BRD2: variants seen among roughly 807,000 people sequenced by gnomAD.
BRD2 encodes bromodomain containing 2.
A neutral mutation model predicts 79.1 loss-of-function variants in BRD2; 15 were observed. The observed-to-expected ratio is 0.19, with a 90% CI of 0.13 to 0.29. The LOEUF (loss-of-function observed/expected upper bound fraction) is 0.29, where lower values mean the gene tolerates loss of function less well. Among genes scored for constraint, BRD2 ranks in the 10% least tolerant of loss-of-function variants. The pLI is 1.00. For synonymous variants in BRD2, 488 were observed against 358.6 expected, an observed-to-expected ratio of 1.36 and a Z score of -4.08; for missense variants, 1,053 against 991.3, an observed-to-expected ratio of 1.06 and a Z score of -0.84.
chr6:32,974,163 A>T (rs1329335560), intron 2 of BRD2, among the ~76,000 whole-genome samples: 1 of 152,186 alleles, frequency 6.6e-6, no homozygotes, highest in Non-Finnish European at 1.5e-5. Context: ...TAGTTCTGAG[A>T]TGTCGTGCCT....
At chr6:32,973,066 G>A in intron 2 of BRD2, 139 bp downstream of exon 2, 4 of 1,591,910 alleles carry the variant, frequency 2.5e-6, no homozygotes, top group Non-Finnish European at 2.6e-6. Flanking sequence ...CGCGCGGAGG[G>A]AATTGAGCGA....
Position 32,980,839 on chromosome 6 carries a change from C to T in BRD2, c.*121C>T, listed in dbSNP as rs577496683. 8.1e-7 allele frequency: 1 copy of T among 1,228,424 alleles called. No homozygotes were observed. Among genetic ancestry groups the T allele is most frequent in the Admixed American group, 2.1e-5 (1 of 46,914 alleles). The allele number at this position is 1,228,424 out of a possible 1,614,324, so 76.1% of individuals were successfully genotyped here. A position where few individuals can be genotyped will look rare whatever the true frequency, so the allele number is the denominator to read the frequency against. On this transcript the variant is annotated 3_prime_UTR_variant, in exon 13 of 13. Transcript: ENST00000374825. ...TCATCTCACCCCCCCCCGCCCCCCT[C>T]TAGGAGAGCTGGCTCTGCAGTGGGG...
Position 32,972,676 on chromosome 6 carries a change from T to G in BRD2, c.-223T>G. 1 of 636,054 alleles carries G rather than the reference T, an allele frequency of 1.6e-6. No homozygotes were observed. Among genetic ancestry groups the G allele is most frequent in the Non-Finnish European group, 2.7e-6 (1 of 368,360 alleles). 39.4% of individuals were successfully genotyped at this position (636,054 alleles called of 1,614,324 possible). ...CTCAGCTGAGGCCGCCGCCATTTTC[T>G]TGCTGTCCGCCGTCTGCAGAGCGCG... is the stretch of plus-strand genomic sequence containing the variant. On this transcript the variant is annotated 5_prime_UTR_variant, in exon 2 of 13. Coordinates refer to ENST00000374825, the MANE Select transcript of BRD2 (RefSeq NM_005104.4).
At position 32,977,969 on chromosome 6, in the gene BRD2, A is replaced by G. The variant is rs201425304; in HGVS notation, c.1542A>G (p.Glu514=). ...AGAGTGAAAGCTCAGACTCAGAGGA[A>G]GAAAGGGCTCATCGCTTAGCAGAAC... ...EEESESSDSE[E]ERAHRLAELQ... The change falls in exon 9 of 13, where the codon GAA becomes GAG. Residue 514 remains glutamate (E), a synonymous_variant. Coordinates refer to ENST00000374825, the MANE Select transcript of BRD2 (RefSeq NM_005104.4). 86 of 1,611,716 alleles carry G rather than the reference A, an allele frequency of 5.3e-5. No individual in the cohort carries two copies. Among genetic ancestry groups the G allele is most frequent in the Non-Finnish European group, 7.3e-5 (86 of 1,180,040 alleles).
At position 32,976,230 on chromosome 6, in the gene BRD2, ACT is replaced by A; in HGVS notation, c.611-19_611-18del. The A allele has an allele frequency of 1.2e-6, 2 of 1,610,996 alleles. No individual in the cohort carries two copies. Among genetic ancestry groups the A allele is most frequent in the Non-Finnish European group, 1.7e-6 (2 of 1,178,656 alleles). On this transcript the variant is annotated intron_variant, in intron 5 of 12. Coordinates refer to ENST00000374825, the MANE Select transcript of BRD2 (RefSeq NM_005104.4). ...AAGATGGGGAAGAGAATCAAACTAC[ACT>A]TTTTTCCTTTTTTCTAGCGCTCCAG...
Position 32,976,132 on chromosome 6 carries a change from C to A in BRD2, c.573C>A (p.Ile191=). The A allele has an allele frequency of 6.2e-7, 1 of 1,612,800 alleles. No homozygotes were observed. The highest frequency in any genetic ancestry group is 8.5e-7 in the Non-Finnish European group (1 of 1,179,962). The change falls in exon 5 of 13, where the codon ATC becomes ATA. Residue 191 remains isoleucine (I), a synonymous_variant. Transcript: ENST00000374825. ...PQEEQELVVT[I]PKNSHKKGAK... is the part of the protein sequence containing the mutation. ...AAGAACAAGAGCTGGTAGTGACCAT[C>A]CCTAAGAACAGCCACAAGAAGGGGG...
chr6:32,970,704 C>T (rs1236990224), intron 1 of BRD2: 1 of 152,162 alleles, frequency 6.6e-6, no homozygotes, highest in African/African-American at 2.4e-5. Context: ...GGGACGGCCC[C>T]AGAGATGCTC....
At chr6:32,977,152 T>C (rs1252833128) in intron 7 of BRD2, 2 of 1,301,294 alleles carry the variant, frequency 1.5e-6, no homozygotes, top group East Asian at 5.0e-5. Context: ...AGAAAAATAC[T>C]GTCTATAATT....
chr6:32,978,528 C>T (rs535042203), intron 10 of BRD2, 140 bp downstream of exon 10: 19 of 1,386,630 alleles, frequency 1.4e-5, no homozygotes, highest in Non-Finnish European at 1.7e-5. Context: ...ACCTTTTTGG[C>T]ACCAGGGACC....
chr6:32,975,580 C>T lies in BRD2; in HGVS notation c.471+59C>T, dbSNP rs576357260. On this transcript the variant is annotated intron_variant, in intron 4 of 12. Transcript: ENST00000374825. ...GGAGAAACAGTAACTTCTATTATTG[C>T]TGGATATGTTGTCTACATAAAGTTT... The T allele has an allele frequency of 1.9e-3, 3,019 of 1,578,810 alleles. 2 individuals carry two copies. Among genetic ancestry groups the T allele is most frequent in the Non-Finnish European group, 2.3e-3 (2,615 of 1,152,344 alleles).
At position 32,977,621 on chromosome 6, in the gene BRD2, T is replaced by C. The variant is rs201926806; in HGVS notation, c.1329+51T>C. ...AAATAAATGGTATGGGGAGTTATTTTGTCATGTGTGCTGCATAGCCTCAAC... is the reference window on the plus strand; with the variant it reads ...AAATAAATGGTATGGGGAGTTATTTCGTCATGTGTGCTGCATAGCCTCAAC... On this transcript the variant is annotated intron_variant, in intron 8 of 12. Coordinates refer to ENST00000374825, the MANE Select transcript of BRD2 (RefSeq NM_005104.4). The C allele has an allele frequency of 2.6e-4, 425 of 1,608,920 alleles. 2 individuals are homozygous for C. The South Asian group carries it at 4.4e-3, about 17-fold the overall frequency.
At chr6:32,970,588 T>G (rs1777854570) in intron 1 of BRD2, 1 of 147,312 alleles carries the variant, frequency 6.8e-6, no homozygotes, top group African/African-American at 2.4e-5. Context: ...CACAAGTTTG[T>G]TTTCTCCCTG....
intron 10 of BRD2, chr6:32,978,805 G>GGA (rs201563133): frequency 5.4e-6 from 1 of 186,480 alleles, no homozygotes; most frequent in East Asian, 1.4e-4. Flanking sequence ...TGGTCTGGGG[G>GGA]TTGGGACCCC....
At chr6:32,977,019 C>T (rs746441210) in intron 7 of BRD2, 83 bp downstream of exon 7, 23 of 1,487,598 alleles carry the variant, frequency 1.5e-5, no homozygotes, top group Non-Finnish European at 2.1e-5. Context: ...TATGTGGGCA[C>T]ACAGCAGTCT....
chr6:32,969,291 A>C, intron 1 of BRD2: 1 of 712,876 alleles, frequency 1.4e-6, no homozygotes, highest in Non-Finnish European at 2.6e-6. Context: ...CAAAGGGGTT[A>C]GGGGGCGGTG....
Position 32,972,671 on chromosome 6 carries a change from T to G in BRD2, c.-228T>G. 1.6e-6 allele frequency: 1 copy of G among 626,724 alleles called. No individual in the cohort carries two copies. Among genetic ancestry groups the G allele is most frequent in the Non-Finnish European group, 2.8e-6 (1 of 360,758 alleles). 38.8% of individuals were successfully genotyped at this position (626,724 alleles called of 1,614,324 possible). A position where few individuals can be genotyped will look rare whatever the true frequency, so the allele number is the denominator to read the frequency against. Reference sequence around the variant, plus strand: ...CCCGCCTCAGCTGAGGCCGCCGCCATTTTCTTGCTGTCCGCCGTCTGCAGA... The same window carrying G: ...CCCGCCTCAGCTGAGGCCGCCGCCAGTTTCTTGCTGTCCGCCGTCTGCAGA... On this transcript the variant is annotated 5_prime_UTR_variant, in exon 2 of 13. Coordinates refer to ENST00000374825, the MANE Select transcript of BRD2 (RefSeq NM_005104.4).
chr6:32,975,371 T>C lies in BRD2; in HGVS notation c.334-13T>C. The C allele has an allele frequency of 6.3e-7, 1 of 1,596,498 alleles. No individual in the cohort carries two copies. The highest frequency in any genetic ancestry group is 8.6e-7 in the Non-Finnish European group (1 of 1,168,062). ...ATTTTTCTGTGGTTCTGACCTAACA[T>C]TTTTTTATTTAGGATTATCACAAAA... On this transcript the variant is annotated splice_polypyrimidine_tract_variant and intron_variant, in intron 3 of 12. Transcript: ENST00000374825.
chr6:32,975,369 CATTT>C lies in BRD2; in HGVS notation c.334-14_334-11del. 1 of 1,593,570 alleles carries C rather than the reference CATTT, an allele frequency of 6.3e-7. No individual in the cohort carries two copies. The highest frequency in any genetic ancestry group is 8.6e-7 in the Non-Finnish European group (1 of 1,165,990). On this transcript the variant is annotated splice_polypyrimidine_tract_variant and intron_variant, in intron 3 of 12. Coordinates refer to ENST00000374825, the MANE Select transcript of BRD2 (RefSeq NM_005104.4). ...TTATTTTTCTGTGGTTCTGACCTAA[CATTT>C]TTTTATTTAGGATTATCACAAAATT... is the stretch of plus-strand genomic sequence containing the variant.
At position 32,980,118 on chromosome 6, in the gene BRD2, C is replaced by A; in HGVS notation, c.2132C>A (p.Pro711His). 6.2e-7 allele frequency: 1 copy of A among 1,611,640 alleles called. No homozygotes were observed. Among genetic ancestry groups the A allele is most frequent in the Non-Finnish European group, 8.5e-7 (1 of 1,179,768 alleles). ...RYVLSCLRKK[P>H]RKPYTIKKPV... ...GTCCTTTCCTGCCTACGTAAGAAAC[C>A]CCGGAAGCCCTACAGTACGTATGAA... The change falls in exon 11 of 13, where the codon CCC (proline) becomes CAC (histidine). Residue 711 changes from proline (P) to histidine (H), a missense_variant. Coordinates refer to ENST00000374825, the MANE Select transcript of BRD2 (RefSeq NM_005104.4).
Sources: allele counts gnomAD v4.1 joint callset (sites outside exome capture counted in the v4.1 genomes callset), GRCh38; gene constraint gnomAD v4.1.1; transcripts MANE v1.5; gene names NCBI Gene and HGNC (gene_info 2026-07-23, HGNC 2026-07-21).